The following LRP12 variants were observed in gnomAD, a reference collection of about 807,000 sequenced individuals.
LRP12 encodes LDL receptor related protein 12, also known as low-density lipoprotein receptor-related protein 12.
LRP12 carries 14 observed loss-of-function variants against 66.0 expected under a neutral mutation model. The observed-to-expected ratio is 0.21, with a 90% CI of 0.14 to 0.33. The LOEUF (loss-of-function observed/expected upper bound fraction) is 0.33. Among genes scored for constraint, LRP12 ranks in the 10% least tolerant of loss-of-function variants. The pLI is 1.00. For synonymous variants in LRP12, 357 were observed against 359.1 expected (o/e 0.99, Z 0.07); for missense variants, 889 against 1,053.4 (o/e 0.84, Z 2.16).
At chr8:104,576,042 C>G (rs1331586005) in intron 1 of LRP12, among the ~76,000 whole-genome samples, 2 of 151,996 alleles carry the variant, frequency 1.3e-5, no homozygotes, top group African/African-American at 4.8e-5. Flanking sequence ...GACTGGCGTT[C>G]TGAAACAAGA....
chr8:104,574,980 C>T (rs191056695), intron 1 of LRP12, among the ~76,000 whole-genome samples: 25 of 152,094 alleles, frequency 1.6e-4, no homozygotes, highest in Admixed American at 1.2e-3. Context: ...TGAAGGACAG[C>T]AGGAGTTAAC....
chr8:104,497,307 C>T lies in LRP12; in HGVS notation c.1245G>A (p.Lys415=), dbSNP rs776443508. Reference sequence around the variant, plus strand: ...CATTTCGGGAACATGGAAATTCTTCCTTCTGGCACATGGTACAATTGGTTT... The same window carrying T: ...CATTTCGGGAACATGGAAATTCTTCTTTCTGGCACATGGTACAATTGGTTT... ...RDETNCTMCQ[K]EEFPCSRNGV... is the part of the protein sequence containing the mutation. The change falls in exon 5 of 7, where the codon AAG becomes AAA. Residue 415 remains lysine (K), a synonymous_variant. Coordinates refer to ENST00000276654, the MANE Select transcript of LRP12 (RefSeq NM_013437.5). The surrounding 1 kb of genome is among the most constrained non-coding windows in gnomAD (Gnocchi z 4.3). 8 of 1,614,158 alleles carry T rather than the reference C, an allele frequency of 5.0e-6. No individual in the cohort carries two copies. The East Asian group carries it at 1.3e-4, about 27-fold the overall frequency.
At chr8:104,574,887 A>G (rs180874376) in intron 1 of LRP12, among the ~76,000 whole-genome samples, 3 of 152,314 alleles carry the variant, frequency 2.0e-5, no homozygotes, top group African/African-American at 7.2e-5. Flanking sequence ...GGCTCACATT[A>G]TATCTGAGAT....
intron 1 of LRP12, among the ~76,000 whole-genome samples, chr8:104,552,220 TTGCTC>T (rs1393782459): frequency 2.0e-5 from 3 of 152,154 alleles, no homozygotes; most frequent in African/African-American, 4.8e-5. Context: ...GTAAGGGACT[TTGCTC>T]TGCATTAGCT....
At chr8:104,503,513 G>A (rs1810862535) in intron 3 of LRP12, among the ~76,000 whole-genome samples, 1 of 151,886 alleles carries the variant, frequency 6.6e-6, no homozygotes. Context: ...TGTAATAAAA[G>A]CACTGTTGAC....
rs563527743 is a variant in LRP12, at chr8:104,544,049, G to C, written c.80-12086C>G. 2.0e-5 allele frequency among the ~76,000 whole-genome samples: 3 copies of C among 152,252 alleles called. No homozygotes were observed. The East Asian group carries it at 5.8e-4, about 29-fold the overall frequency. ...TATGCAAAAGAAAAAGTTTCTAAAAGAAATTAAAAGTGCAACTCCAGTGAA... is the reference window on the plus strand; with the variant it reads ...TATGCAAAAGAAAAAGTTTCTAAAACAAATTAAAAGTGCAACTCCAGTGAA... On this transcript the variant is annotated intron_variant, in intron 1 of 6. Transcript: ENST00000276654.
chr8:104,558,444 C>G (rs571028802), intron 1 of LRP12, among the ~76,000 whole-genome samples: 1 of 152,040 alleles, frequency 6.6e-6, no homozygotes, highest in Non-Finnish European at 1.5e-5. Flanking sequence ...TCATTTTATG[C>G]AAAAATCAAC....
chr8:104,538,511 C>T (rs1206888525), intron 1 of LRP12, among the ~76,000 whole-genome samples: 1 of 152,026 alleles, frequency 6.6e-6, no homozygotes, highest in Non-Finnish European at 1.5e-5. Flanking sequence ...CTGGAGATCA[C>T]CTCAAGCAGA....
intron 5 of LRP12, among the ~76,000 whole-genome samples, 194 bp downstream of exon 5, chr8:104,496,778 T>C (rs1348425753): frequency 1.3e-5 from 2 of 152,190 alleles, no homozygotes; most frequent in Non-Finnish European, 2.9e-5. Flanking sequence ...CTCATAACTC[T>C]AAATATTTAG....
intron 2 of LRP12, among the ~76,000 whole-genome samples, chr8:104,531,291 C>T (rs575252499): frequency 1.1e-4 from 17 of 152,038 alleles, no homozygotes; most frequent in Non-Finnish European, 1.6e-4. Context: ...AAAATGGTAA[C>T]GGAGCTGTGG....
intron 2 of LRP12, among the ~76,000 whole-genome samples, chr8:104,510,253 T>C (rs1031594678): frequency 6.6e-5 from 10 of 152,244 alleles, no homozygotes; most frequent in Non-Finnish European, 1.5e-4. Context: ...TGAATAAAGA[T>C]AGTAAAACAC....
chr8:104,548,295 T>A (rs1486667128), intron 1 of LRP12, among the ~76,000 whole-genome samples: 1 of 60,908 alleles, frequency 1.6e-5, no homozygotes, highest in Non-Finnish European at 2.5e-5. Context: ...TATCATATAT[T>A]TATATAATAT....
At chr8:104,538,001 G>A (rs1462258032) in intron 1 of LRP12, among the ~76,000 whole-genome samples, 1 of 152,064 alleles carries the variant, frequency 6.6e-6, no homozygotes, top group African/African-American at 2.4e-5. Flanking sequence ...CACATCCAGG[G>A]GAAGAGACAG....
chr8:104,549,595 G>A (rs1011200496), intron 1 of LRP12, among the ~76,000 whole-genome samples: 2 of 151,812 alleles, frequency 1.3e-5, no homozygotes, highest in South Asian at 2.1e-4. Flanking sequence ...GTAGAGATGG[G>A]GTTTCACCGT....
At chr8:104,511,733 T>C (rs895162825) in intron 2 of LRP12, among the ~76,000 whole-genome samples, 2 of 152,088 alleles carry the variant, frequency 1.3e-5, no homozygotes, top group Non-Finnish European at 2.9e-5. Flanking sequence ...TATATTCTAC[T>C]GCAGAAAAAA....
At chr8:104,530,322 A>T (rs1210465785) in intron 2 of LRP12, among the ~76,000 whole-genome samples, 1 of 152,152 alleles carries the variant, frequency 6.6e-6, no homozygotes, top group African/African-American at 2.4e-5. Flanking sequence ...GTATTTGGAG[A>T]CACAGCCTTT....
rs1370171733 is a variant in LRP12 at position 104,547,594 on chromosome 8, TATA to T, written c.80-15634_80-15632del. Among the ~76,000 whole-genome samples the T allele has an allele frequency of 4.7e-4, 57 of 120,664 alleles. 1 individual carries two copies. The highest frequency in any genetic ancestry group is 1.3e-3 in the Admixed American group (14 of 10,486). The allele number at this position is 120,664 out of a possible 152,430, so 79.2% of individuals were successfully genotyped here. Reference sequence around the variant, plus strand: ...AATTATTATATATTAATATATAATATATAATAATTATTAATATATAATATATTA... The same window carrying T: ...AATTATTATATATTAATATATAATATATAATTATTAATATATAATATATTA... On this transcript the variant is annotated intron_variant, in intron 1 of 6. Transcript: ENST00000276654.
rs368129639 is a variant in LRP12 at position 104,491,192 on chromosome 8, C to T, written c.2061G>A (p.Ala687=). The T allele has an allele frequency of 1.5e-5, 25 of 1,613,988 alleles. No individual in the cohort carries two copies. The highest frequency in any genetic ancestry group is 1.3e-4 in the African/African-American group (10 of 74,900). The change falls in exon 7 of 7, where the codon GCG becomes GCA. Residue 687 remains alanine (A), a synonymous_variant. Coordinates refer to ENST00000276654, the MANE Select transcript of LRP12 (RefSeq NM_013437.5). ...QKVPPTTAVE[A]TVGACASSST... ...AGGAACTTGCACATGCTCCTACTGT[C>T]GCTTCTACTGCCGTTGTGGGAGGGA... is the stretch of plus-strand genomic sequence containing the variant.
At chr8:104,544,397 A>C (rs1357589307) in intron 1 of LRP12, among the ~76,000 whole-genome samples, 2 of 152,194 alleles carry the variant, frequency 1.3e-5, no homozygotes, top group Non-Finnish European at 2.9e-5. Context: ...TCACTAATGA[A>C]GGTGGCTACA....
Sources: allele counts gnomAD v4.1 joint callset (sites outside exome capture counted in the v4.1 genomes callset), GRCh38; gene constraint gnomAD v4.1.1; non-coding constraint Gnocchi (gnomAD v3.1); transcripts MANE v1.5; gene names NCBI Gene and HGNC (gene_info 2026-07-23, HGNC 2026-07-21).